The following DPP10 variants were observed in gnomAD, a reference collection of about 807,000 sequenced individuals.
The protein encoded by DPP10 is dipeptidyl peptidase like 10.
Under a neutral mutation model 120.9 loss-of-function variants are expected in DPP10, and 33 were observed. That is an observed-to-expected ratio of 0.27 (90% CI 0.21 to 0.37). The LOEUF is 0.37. Ranked by LOEUF, DPP10 falls within the 10% of genes least tolerant of loss-of-function variation. The pLI is 1.00. For missense variants in DPP10, 816 were observed against 942.8 expected, an observed-to-expected ratio of 0.87 and a Z score of 1.76; for synonymous variants, 337 against 326.1, an observed-to-expected ratio of 1.03 and a Z score of -0.36.
intron 1 of DPP10, among the ~76,000 whole-genome samples, chr2:114,884,706 C>T (rs1262288106): frequency 2.0e-5 from 3 of 152,158 alleles, no homozygotes; most frequent in African/African-American, 7.2e-5. Flanking sequence ...ATCCCTTACC[C>T]TCCTCCCACC....
At chr2:114,610,792 A>G (rs1485893833) in intron 1 of DPP10, among the ~76,000 whole-genome samples, 1 of 152,096 alleles carries the variant, frequency 6.6e-6, no homozygotes, top group African/African-American at 2.4e-5. Flanking sequence ...TTCCTGAAAC[A>G]TGCCCTGCTG....
At chr2:114,942,080 T>C (rs1240451029) in intron 1 of DPP10, among the ~76,000 whole-genome samples, 1 of 151,458 alleles carries the variant, frequency 6.6e-6, no homozygotes, top group African/African-American at 2.4e-5. Flanking sequence ...GAGACCATCC[T>C]GGGTAACACG....
chr2:115,192,270 A>C (rs910981257), intron 1 of DPP10, among the ~76,000 whole-genome samples: 1 of 152,252 alleles, frequency 6.6e-6, no homozygotes, highest in Non-Finnish European at 1.5e-5. Flanking sequence ...AAGGTGGTCT[A>C]CTATTACTAA....
At position 114,888,144 on chromosome 2, in the gene DPP10, A is replaced by G. The variant is rs928679186; in HGVS notation, c.61-421095A>G. Among the ~76,000 whole-genome samples the G allele has an allele frequency of 6.4e-5, 8 of 125,450 alleles. No homozygotes were observed. The South Asian group carries it at 2.0e-3, about 32-fold the overall frequency. The allele number at this position is 125,450 out of a possible 152,430, so 82.3% of individuals were successfully genotyped here. A position where few individuals can be genotyped will look rare whatever the true frequency, so the allele number is the denominator to read the frequency against. On this transcript the variant is annotated intron_variant, in intron 1 of 25. Coordinates refer to ENST00000410059, the MANE Select transcript of DPP10 (RefSeq NM_020868.6). ...GGCGACAGAGCGAGCCTCCGTCTCAAAAAAAAAAAAAAAAAAGAAAAGAAA... is the reference window on the plus strand; with the variant it reads ...GGCGACAGAGCGAGCCTCCGTCTCAGAAAAAAAAAAAAAAAAGAAAAGAAA...
At chr2:115,789,846 TTAAAG>T (rs1370107335) in intron 17 of DPP10, among the ~76,000 whole-genome samples, 2 of 152,190 alleles carry the variant, frequency 1.3e-5, no homozygotes, top group Non-Finnish European at 2.9e-5. Context: ...AAAATGCTGT[TTAAAG>T]TAACATCAAA....
intron 1 of DPP10, among the ~76,000 whole-genome samples, chr2:114,527,838 TG>T (rs1406332604): frequency 6.6e-6 from 1 of 152,168 alleles, no homozygotes; most frequent in Non-Finnish European, 1.5e-5. Context: ...TACTGAATAC[TG>T]TAGGCAATTG....
chr2:114,540,729 G>T (rs1686882083), intron 1 of DPP10, among the ~76,000 whole-genome samples: 1 of 152,126 alleles, frequency 6.6e-6, no homozygotes, highest in African/African-American at 2.4e-5. Flanking sequence ...TAAGGAAAAG[G>T]AGTCTAAACT....
intron 12 of DPP10, among the ~76,000 whole-genome samples, chr2:115,764,195 G>A (rs1680445946): frequency 6.6e-6 from 1 of 151,768 alleles, no homozygotes; most frequent in South Asian, 2.1e-4. Flanking sequence ...CAAACGCCTA[G>A]TATAGAATTC....
chr2:115,807,309 T>C (rs528028892), intron 19 of DPP10, among the ~76,000 whole-genome samples: 20 of 152,234 alleles, frequency 1.3e-4, no homozygotes, highest in Non-Finnish European at 2.4e-4. Flanking sequence ...TTGGTTGTAT[T>C]CTTATATTTT....
chr2:114,567,942 C>G (rs1285861219), intron 1 of DPP10, among the ~76,000 whole-genome samples: 3 of 150,892 alleles, frequency 2.0e-5, no homozygotes, highest in Non-Finnish European at 4.4e-5. Context: ...ATGGGTTGAT[C>G]GGTGCAGCAA....
chr2:115,773,591 C>G (rs1681732818), intron 13 of DPP10, among the ~76,000 whole-genome samples: 1 of 152,028 alleles, frequency 6.6e-6, no homozygotes, highest in African/African-American at 2.4e-5. Flanking sequence ...TTCAGTATTT[C>G]TATTCTACCA....
At chr2:114,707,429 T>A (rs1700753980) in intron 1 of DPP10, among the ~76,000 whole-genome samples, 1 of 152,224 alleles carries the variant, frequency 6.6e-6, no homozygotes, top group South Asian at 2.1e-4. Flanking sequence ...TGTTGTTAGT[T>A]GTTACCATCA....
intron 1 of DPP10, among the ~76,000 whole-genome samples, chr2:115,110,469 GCA>G (rs1476677669): frequency 2.0e-5 from 3 of 152,146 alleles, no homozygotes; most frequent in Non-Finnish European, 1.5e-5. Context: ...GTGTATGAAA[GCA>G]CTTTGAGAAG....
intron 1 of DPP10, among the ~76,000 whole-genome samples, chr2:114,621,041 G>T (rs1694057227): frequency 6.6e-6 from 1 of 152,026 alleles, no homozygotes; most frequent in South Asian, 2.1e-4. Flanking sequence ...AGACAGATAA[G>T]AAGCTCTGTG....
At chr2:114,653,470 G>A (rs563369234) in intron 1 of DPP10, among the ~76,000 whole-genome samples, 2 of 152,146 alleles carry the variant, frequency 1.3e-5, no homozygotes, top group African/African-American at 4.8e-5. Flanking sequence ...CCAGTTTGTA[G>A]TAATTTGTTA....
At chr2:114,801,768 A>T (rs1684271623) in intron 1 of DPP10, among the ~76,000 whole-genome samples, 1 of 152,206 alleles carries the variant, frequency 6.6e-6, no homozygotes, top group Non-Finnish European at 1.5e-5. Context: ...CTTGCCAATT[A>T]TTCGGCCTCA....
intron 1 of DPP10, among the ~76,000 whole-genome samples, chr2:115,074,567 A>G (rs1323902523): frequency 1.4e-4 from 21 of 152,242 alleles, no homozygotes; most frequent in Non-Finnish European, 7.3e-5. Context: ...TTTACCTTTC[A>G]GAGGTAGACA....
chr2:114,451,016 A>C (rs1469769851), intron 1 of DPP10, among the ~76,000 whole-genome samples: 1 of 152,140 alleles, frequency 6.6e-6, no homozygotes, highest in Non-Finnish European at 1.5e-5. Context: ...CCCTAAGAAA[A>C]ATGAGTTCCA....
At chr2:114,756,286 G>T (rs1052605516) in intron 1 of DPP10, among the ~76,000 whole-genome samples, 12 of 152,146 alleles carry the variant, frequency 7.9e-5, no homozygotes, top group African/African-American at 2.9e-4. Flanking sequence ...GTCAGAAAAA[G>T]GCAAAGGAGG....
Sources: allele counts gnomAD v4.1 joint callset (sites outside exome capture counted in the v4.1 genomes callset), GRCh38; gene constraint gnomAD v4.1.1; transcripts MANE v1.5; gene names NCBI Gene and HGNC (gene_info 2026-07-23, HGNC 2026-07-21).